Variants in ADD3 observed in about 807,000 individuals in gnomAD.
The protein encoded by ADD3 is adducin 3.
A neutral mutation model predicts 80.2 loss-of-function variants in ADD3; 25 were observed. The ratio of observed to expected loss-of-function variants is 0.31; its 90% CI spans 0.23 to 0.44. The LOEUF (loss-of-function observed/expected upper bound fraction) is 0.44. Among genes scored for constraint, ADD3 ranks in the 20% least tolerant of loss-of-function variants. The pLI, the probability that ADD3 is intolerant of heterozygous loss-of-function variation, is 1.00. For synonymous variants in ADD3, 284 were observed against 289.6 expected (o/e 0.98, Z 0.20); for missense variants, 829 against 847.5 (o/e 0.98, Z 0.27).
chr10:110,106,706 T>C lies in ADD3; in HGVS notation c.195+5858T>C, dbSNP rs1420707067. The stretch of plus-strand genomic sequence containing the variant: ...CTGTCTCTAACTTAAACATTTTGCT[T>C]TTCACCTAGTGATTTTTTTACCATA... On this transcript the variant is annotated intron_variant, in intron 2 of 14. Transcript: ENST00000356080. 2.0e-5 allele frequency among the ~76,000 whole-genome samples: 3 copies of C among 152,114 alleles called. No individual in the cohort carries two copies. The East Asian group carries it at 5.8e-4, about 29-fold the overall frequency.
intron 1 of ADD3, among the ~76,000 whole-genome samples, chr10:110,029,413 T>G (rs1854720515): frequency 6.6e-6 from 1 of 152,242 alleles, no homozygotes; most frequent in South Asian, 2.1e-4. Context: ...GCATTAACAT[T>G]AATTTGTACT....
intron 1 of ADD3, among the ~76,000 whole-genome samples, chr10:110,063,739 A>T (rs1226483333): frequency 1.5e-3 from 27 of 17,864 alleles, no homozygotes; most frequent in African/African-American, 4.5e-3. Flanking sequence ...TATATTCATT[A>T]TATATATATA....
chr10:110,075,268 T>C (rs868687077), intron 1 of ADD3, among the ~76,000 whole-genome samples: 65 of 152,258 alleles, frequency 4.3e-4, no homozygotes, highest in Middle Eastern at 6.8e-3. Flanking sequence ...ATTGGAAGGG[T>C]GATATTCAGA....
chr10:110,074,041 G>T (rs1845097617), intron 1 of ADD3, among the ~76,000 whole-genome samples: 1 of 152,040 alleles, frequency 6.6e-6, no homozygotes, highest in African/African-American at 2.4e-5. Context: ...CTCTGTGGCT[G>T]TTTTAAGTCA....
At chr10:110,032,123 TGGC>T (rs1340380767) in intron 1 of ADD3, among the ~76,000 whole-genome samples, 1 of 152,188 alleles carries the variant, frequency 6.6e-6, no homozygotes, top group Non-Finnish European at 1.5e-5. Flanking sequence ...CTTCAGAGAC[TGGC>T]CATATAAGGA....
chr10:110,124,297 T>C, intron 10 of ADD3, 23 bp downstream of exon 10: 1 of 1,602,978 alleles, frequency 6.2e-7, no homozygotes, highest in Non-Finnish European at 8.5e-7. Context: ...TTTATGTAGT[T>C]TGCCTTTACT....
At chr10:110,055,673 A>G (rs1858099455) in intron 1 of ADD3, among the ~76,000 whole-genome samples, 1 of 152,224 alleles carries the variant, frequency 6.6e-6, no homozygotes, top group African/African-American at 2.4e-5. Context: ...GTCCTAACTC[A>G]GCAACTTAGT....
At chr10:110,094,573 C>A (rs1847937543) in intron 1 of ADD3, among the ~76,000 whole-genome samples, 1 of 152,128 alleles carries the variant, frequency 6.6e-6, no homozygotes, top group Non-Finnish European at 1.5e-5. Flanking sequence ...GGTTTTTTCT[C>A]CCATTTTTCT....
chr10:110,081,376 A>G (rs1355465642), intron 1 of ADD3, among the ~76,000 whole-genome samples: 1 of 152,200 alleles, frequency 6.6e-6, no homozygotes, highest in Non-Finnish European at 1.5e-5. Context: ...CTCTAAAATG[A>G]CAACTGCTCC....
At position 110,133,499 on chromosome 10, in the gene ADD3, A is replaced by G; in HGVS notation, c.2002A>G (p.Ile668Val). The G allele has an allele frequency of 6.2e-7, 1 of 1,613,960 alleles. No individual in the cohort carries two copies. The highest frequency in any genetic ancestry group is 8.5e-7 in the Non-Finnish European group (1 of 1,179,908). ...GATTACTATTAAGTCTCCAGAGAAA[A>G]TCGAAGAAGTCCTGTCACCTGAAGG... ...IEITIKSPEK[I>V]EEVLSPEGSP... The change falls in exon 15 of 15, where the codon ATC becomes GTC. Residue 668 changes from isoleucine to valine, a missense_variant. Coordinates refer to ENST00000356080, the MANE Select transcript of ADD3 (RefSeq NM_016824.5).
At chr10:110,004,034 AGG>A (rs1851541315), upstream of ADD3, among the ~76,000 whole-genome samples, 4 of 152,070 alleles carry the variant, frequency 2.6e-5, no homozygotes, top group Non-Finnish European at 5.9e-5. Context: ...CTTTGGGAAG[AGG>A]TAAAGAAATG....
At chr10:110,082,996 G>T (rs1846249070) in intron 1 of ADD3, among the ~76,000 whole-genome samples, 1 of 152,134 alleles carries the variant, frequency 6.6e-6, no homozygotes, top group Non-Finnish European at 1.5e-5. Flanking sequence ...GAGAATGGGG[G>T]TATTATGAGT....
chr10:110,130,877 G>GA (rs998607316), intron 13 of ADD3, among the ~76,000 whole-genome samples: 2 of 150,226 alleles, frequency 1.3e-5, no homozygotes, highest in Non-Finnish European at 3.0e-5. Flanking sequence ...AACAGAAAAA[G>GA]AAAAAAAACA....
intron 1 of ADD3, among the ~76,000 whole-genome samples, chr10:110,098,145 A>G (rs890985851): frequency 1.3e-5 from 2 of 152,156 alleles, no homozygotes; most frequent in Admixed American, 6.5e-5. Context: ...ATGATCCTCA[A>G]TTTAAGGCAG....
chr10:110,069,739 T>C (rs1421920606), intron 1 of ADD3, among the ~76,000 whole-genome samples: 1 of 152,246 alleles, frequency 6.6e-6, no homozygotes, highest in Non-Finnish European at 1.5e-5. Context: ...GATTACAATT[T>C]GACTGGCTTT....
At chr10:110,025,375 A>T (rs1440306007) in intron 1 of ADD3, among the ~76,000 whole-genome samples, 1 of 152,026 alleles carries the variant, frequency 6.6e-6, no homozygotes, top group Non-Finnish European at 1.5e-5. Flanking sequence ...TATTTGTGGG[A>T]GAGATGGGAA....
chr10:110,046,605 C>A lies in ADD3; in HGVS notation c.-30+38306C>A, dbSNP rs182647016. Among the ~76,000 whole-genome samples the A allele has an allele frequency of 3.9e-5, 6 of 152,234 alleles. No homozygotes were observed. The East Asian group carries it at 1.2e-3, about 29-fold the overall frequency. ...ATAGGTTAAATGGAAAGCAATGTTA[C>A]AAGAGCCAAGGGTATTCAAATTCTA... On this transcript the variant is annotated intron_variant, in intron 1 of 14. Transcript: ENST00000356080.
At chr10:110,004,542 C>T (rs965003184), upstream of ADD3, among the ~76,000 whole-genome samples, 3 of 151,688 alleles carry the variant, frequency 2.0e-5, no homozygotes, top group Non-Finnish European at 4.4e-5. Context: ...ATCTCTTGAC[C>T]TCGTGACCTG....
chr10:110,016,190 G>C (rs1025614474), intron 1 of ADD3, among the ~76,000 whole-genome samples: 5 of 152,162 alleles, frequency 3.3e-5, no homozygotes, highest in Admixed American at 2.6e-4. Context: ...TCAAAGGGAA[G>C]AGTGCCATCT....
Sources: allele counts gnomAD v4.1 joint callset (sites outside exome capture counted in the v4.1 genomes callset), GRCh38; gene constraint gnomAD v4.1.1; transcripts MANE v1.5; gene names NCBI Gene and HGNC (gene_info 2026-07-23, HGNC 2026-07-21).